Variants in ACAD11 observed in about 807,000 individuals in gnomAD.
ACAD11 encodes acyl-CoA dehydrogenase family member 11.
ACAD11 carries 83 observed loss-of-function variants against 102.2 expected under a neutral mutation model. The observed-to-expected ratio is 0.81, with a 90% CI of 0.68 to 0.97. The LOEUF is 0.97. Ranked by LOEUF, ACAD11 falls within the 50% of genes least tolerant of loss-of-function variation. The pLI is 0.00. For synonymous variants in ACAD11, 324 were observed against 319.8 expected (o/e 1.01, Z -0.14); for missense variants, 901 against 951.7 (o/e 0.95, Z 0.70).
At chr3:132,625,215 C>T (rs1377670861) in intron 9 of ACAD11, among the ~76,000 whole-genome samples, 2 of 152,162 alleles carry the variant, frequency 1.3e-5, no homozygotes, top group Non-Finnish European at 2.9e-5. Flanking sequence ...TTTCAAACTT[C>T]TTCTGAGATA....
intron 13 of ACAD11, among the ~76,000 whole-genome samples, chr3:132,602,889 G>A (rs932272072): frequency 2.6e-5 from 4 of 152,072 alleles, no homozygotes; most frequent in African/African-American, 7.2e-5. Flanking sequence ...GTCAACTTCC[G>A]CCACCCGGGG....
chr3:132,594,569 A>T (rs577377066), intron 13 of ACAD11, among the ~76,000 whole-genome samples: 96 of 152,332 alleles, frequency 6.3e-4, no homozygotes, highest in Non-Finnish European at 1.1e-3. Context: ...GCAGGGTATA[A>T]GATAGCTATG....
intron 4 of ACAD11, among the ~76,000 whole-genome samples, chr3:132,640,112 C>T (rs1281414322): frequency 1.3e-5 from 2 of 151,534 alleles, no homozygotes; most frequent in South Asian, 2.1e-4. Flanking sequence ...AAAAAGAAGA[C>T]ATTTACTTTT....
chr3:132,621,961 A>C (rs1270451252), intron 9 of ACAD11, among the ~76,000 whole-genome samples: 1 of 147,556 alleles, frequency 6.8e-6, no homozygotes, highest in Admixed American at 6.7e-5. Flanking sequence ...CCTGGGTGAC[A>C]GAATGAGACT....
intron 19 of ACAD11, 63 bp downstream of exon 19, chr3:132,559,770 T>C: frequency 7.8e-7 from 1 of 1,289,466 alleles, no homozygotes; most frequent in South Asian, 1.3e-5. Context: ...TGTCAAGGCA[T>C]CTGTAGATTT....
chr3:132,565,968 T>C (rs1937196622), intron 17 of ACAD11, among the ~76,000 whole-genome samples: 2 of 152,138 alleles, frequency 1.3e-5, no homozygotes, highest in South Asian at 4.1e-4. Flanking sequence ...TATTCCTTAA[T>C]AGCACTATAA....
chr3:132,615,358 A>C (rs1241302885), intron 11 of ACAD11, among the ~76,000 whole-genome samples: 2 of 152,236 alleles, frequency 1.3e-5, no homozygotes, highest in Non-Finnish European at 2.9e-5. Context: ...TCATTCTACT[A>C]TAAAGACACA....
Position 132,591,343 on chromosome 3 carries a change from T to A in ACAD11, c.1622-11785A>T, listed in dbSNP as rs183323221. Among the ~76,000 whole-genome samples the A allele has an allele frequency of 2.4e-3, 361 of 152,266 alleles. 5 individuals carry two copies. Among genetic ancestry groups the A allele is most frequent in the Non-Finnish European group, 1.4e-3 (92 of 68,024 alleles). On this transcript the variant is annotated intron_variant, in intron 13 of 19. Transcript: ENST00000264990. ...TGAGCAGCCTTATTTCTGGGCTCTA[T>A]TCTGTTCCATTGGTCTATGTGCCCA...
At chr3:132,607,497 A>G (rs752779177) in intron 11 of ACAD11, among the ~76,000 whole-genome samples, 5 of 152,230 alleles carry the variant, frequency 3.3e-5, no homozygotes, top group Non-Finnish European at 7.3e-5. Flanking sequence ...TCAATAGCTG[A>G]ATCAATCAAG....
chr3:132,622,491 C>T (rs1939646413), intron 9 of ACAD11, among the ~76,000 whole-genome samples: 1 of 152,124 alleles, frequency 6.6e-6, no homozygotes, highest in Admixed American at 6.5e-5. Flanking sequence ...CTCTGACCAC[C>T]TTTTCTCATC....
chr3:132,575,691 G>T, intron 17 of ACAD11, 81 bp downstream of exon 17: 1 of 1,526,156 alleles, frequency 6.6e-7, no homozygotes. Flanking sequence ...GAGAAAGTCT[G>T]TCTCTCACAA....
At chr3:132,626,953 T>A in intron 8 of ACAD11, 136 bp from the exon 9 acceptor site, 5 of 802,914 alleles carry the variant, frequency 6.2e-6, no homozygotes, top group Non-Finnish European at 9.3e-6. Context: ...TTTTATATTT[T>A]AAAAAAGTCT....
At chr3:132,613,900 A>G (rs1319713085) in intron 11 of ACAD11, among the ~76,000 whole-genome samples, 1 of 152,002 alleles carries the variant, frequency 6.6e-6, no homozygotes, top group African/African-American at 2.4e-5. Flanking sequence ...ACTCCATCTC[A>G]AAAAAGAAAG....
At chr3:132,652,616 C>T (rs1465910235) in intron 1 of ACAD11, among the ~76,000 whole-genome samples, 1 of 151,914 alleles carries the variant, frequency 6.6e-6, no homozygotes, top group Non-Finnish European at 1.5e-5. Context: ...AAGACACATA[C>T]AGTCATAATT....
chr3:132,657,562 C>A (rs1053144441), intron 1 of ACAD11, among the ~76,000 whole-genome samples: 1 of 152,110 alleles, frequency 6.6e-6, no homozygotes, highest in Non-Finnish European at 1.5e-5. Flanking sequence ...AACAACATGG[C>A]ATCTCTCAAT....
chr3:132,565,873 A>G lies in ACAD11; in HGVS notation c.2002-4656T>C, dbSNP rs75841160. On this transcript the variant is annotated intron_variant, in intron 17 of 19. Coordinates refer to ENST00000264990, the MANE Select transcript of ACAD11 (RefSeq NM_032169.5). ...TAAGCTTCCTGAGGTCTCCCCAGAA[A>G]TAGACATTGGCATTAGGCTTGTACA... 6.2e-3 allele frequency among the ~76,000 whole-genome samples: 940 copies of G among 152,296 alleles called. 7 individuals are homozygous for G. The highest frequency in any genetic ancestry group is 0.022 in the African/African-American group (915 of 41,548).
At chr3:132,617,741 G>A (rs139744999) in intron 11 of ACAD11, among the ~76,000 whole-genome samples, 1 of 152,208 alleles carries the variant, frequency 6.6e-6, no homozygotes, top group East Asian at 1.9e-4. Context: ...GAAGGTATAA[G>A]CCCCTCTTAT....
At chr3:132,569,730 T>C (rs532090767) in intron 17 of ACAD11, among the ~76,000 whole-genome samples, 1 of 152,210 alleles carries the variant, frequency 6.6e-6, no homozygotes, top group Non-Finnish European at 1.5e-5. Context: ...TGTTTTCATA[T>C]TGTATGACTC....
intron 1 of ACAD11, among the ~76,000 whole-genome samples, chr3:132,659,011 G>C (rs1285220057): frequency 6.6e-6 from 1 of 152,104 alleles, no homozygotes; most frequent in African/African-American, 2.4e-5. Context: ...TTAGAATAAA[G>C]TTTTAAGAAT....
Sources: allele counts gnomAD v4.1 joint callset (sites outside exome capture counted in the v4.1 genomes callset), GRCh38; gene constraint gnomAD v4.1.1; transcripts MANE v1.5; gene names NCBI Gene and HGNC (gene_info 2026-07-23, HGNC 2026-07-21).